Variants in RSBN1 observed in about 807,000 individuals in gnomAD.
The protein encoded by RSBN1 is lysine-specific demethylase 9.
In RSBN1, 23 loss-of-function variants were observed where a neutral mutation model predicts 74.8. That is an observed-to-expected ratio of 0.31 (90% CI 0.22 to 0.44). The LOEUF (loss-of-function observed/expected upper bound fraction) is 0.44. RSBN1 is among the 20% of genes least tolerant of loss of function. The pLI is 1.00. For synonymous variants in RSBN1, 407 were observed against 379.6 expected (o/e 1.07, Z -0.84); for missense variants, 808 against 1,020.9 (o/e 0.79, Z 2.84).
chr1:113,778,297 T>G (rs947759818), intron 2 of RSBN1, among the ~76,000 whole-genome samples: 3 of 143,720 alleles, frequency 2.1e-5, no homozygotes, highest in African/African-American at 5.0e-5. Flanking sequence ...TCTTTTTTTT[T>G]TTTTTTTCCT....
chr1:113,781,999 G>A (rs1660147603), intron 2 of RSBN1, among the ~76,000 whole-genome samples: 1 of 152,100 alleles, frequency 6.6e-6, no homozygotes, highest in Non-Finnish European at 1.5e-5. Context: ...TCCTTTAGTA[G>A]CTCCATATTA....
At chr1:113,796,015 C>T (rs1660464747) in intron 2 of RSBN1, among the ~76,000 whole-genome samples, 1 of 151,980 alleles carries the variant, frequency 6.6e-6, no homozygotes, top group South Asian at 2.1e-4. Context: ...CAATATCTTT[C>T]CTTGTTAAAT....
rs1659750818 is a variant in RSBN1, at chr1:113,764,909, C to A, written c.*1071G>T. On this transcript the variant is annotated 3_prime_UTR_variant, in exon 7 of 7. Coordinates refer to ENST00000261441, the MANE Select transcript of RSBN1 (RefSeq NM_018364.5). ...TACTCAGGCACTAAGCATTAGCCTA[C>A]CTGAAACTCTAGGATGAAGTCTAGT... 2.0e-5 allele frequency: 3 copies of A among 152,244 alleles called. No individual in the cohort carries two copies. The highest frequency in any genetic ancestry group is 2.9e-5 in the Non-Finnish European group (2 of 67,998). The allele number at this position is 152,244 out of a possible 1,614,324, so 9.4% of individuals were successfully genotyped here. A position where few individuals can be genotyped will look rare whatever the true frequency, so the allele number is the denominator to read the frequency against.
rs201171572 is a variant in RSBN1 at position 113,812,389 on chromosome 1, C to A, written c.24G>T (p.Thr8=). The change falls in exon 1 of 7, where the codon ACG becomes ACT. Residue 8 remains threonine, a synonymous_variant. Coordinates refer to ENST00000261441, the MANE Select transcript of RSBN1 (RefSeq NM_018364.5). ...TCTCCTCCGCCCTCCACTTGTCGGC[C>A]GTTCTTCGTCCAGAGATGAACATGC... MFISGRR[T]ADKWRAEERL... is the part of the protein sequence containing the mutation. 4 of 1,600,702 alleles carry A rather than the reference C, an allele frequency of 2.5e-6. No homozygotes were observed. The highest frequency in any genetic ancestry group is 2.2e-5 in the East Asian group (1 of 44,830).
intron 2 of RSBN1, among the ~76,000 whole-genome samples, chr1:113,785,204 G>A (rs1406643781): frequency 6.6e-6 from 1 of 151,924 alleles, no homozygotes; most frequent in Non-Finnish European, 1.5e-5. Flanking sequence ...CCTACAACAG[G>A]GTTGGAATGA....
In RSBN1 at chr1:113,787,678, C is replaced by T. The variant is rs144304432; in HGVS notation, c.1377+9685G>A. On this transcript the variant is annotated intron_variant, in intron 2 of 6. Coordinates refer to ENST00000261441, the MANE Select transcript of RSBN1 (RefSeq NM_018364.5). The stretch of plus-strand genomic sequence containing the variant: ...AATCCCAGTTATTTAACAATGCAAT[C>T]GCCTACCTCCTTCCAAGAATTCTAG... Among the ~76,000 whole-genome samples the T allele has an allele frequency of 5.1e-3, 772 of 152,264 alleles. 11 individuals are homozygous for T. Among genetic ancestry groups the T allele is most frequent in the African/African-American group, 0.018 (742 of 41,572 alleles).
At chr1:113,786,306 T>C (rs1199971406) in intron 2 of RSBN1, among the ~76,000 whole-genome samples, 2 of 152,170 alleles carry the variant, frequency 1.3e-5, no homozygotes, top group Non-Finnish European at 2.9e-5. Flanking sequence ...AAGTATGTGA[T>C]AGGTTGAAAA....
At chr1:113,794,092 A>G (rs528081438) in intron 2 of RSBN1, among the ~76,000 whole-genome samples, 4 of 152,304 alleles carry the variant, frequency 2.6e-5, no homozygotes, top group Non-Finnish European at 4.4e-5. Context: ...GGCTTTGACC[A>G]GCATCGCCAT....
At chr1:113,778,414 C>T (rs1254948685) in intron 2 of RSBN1, among the ~76,000 whole-genome samples, 1 of 151,990 alleles carries the variant, frequency 6.6e-6, no homozygotes. Context: ...TCTCCTCCCT[C>T]AGCCTCCCAA....
rs1455733053 is a variant in RSBN1 at position 113,766,050 on chromosome 1, A to G, written c.2339T>C (p.Leu780Ser). Residue 780 changes from leucine to serine, a missense_variant, in exon 7 of 7, where the codon TTA becomes TCA. Coordinates refer to ENST00000261441, the MANE Select transcript of RSBN1 (RefSeq NM_018364.5). Reference sequence around the variant, plus strand: ...AGAGTCCAGTCTACTTTCCACTTTTAAAACTGGAATAGGCTGAGTCTTCTG... The same window carrying G: ...AGAGTCCAGTCTACTTTCCACTTTTGAAACTGGAATAGGCTGAGTCTTCTG... ...QDQKTQPIPV[L>S]KVESRLDSDQ... The G allele has an allele frequency of 6.2e-7, 1 of 1,614,114 alleles. No homozygotes were observed. The highest frequency in any genetic ancestry group is 8.5e-7 in the Non-Finnish European group (1 of 1,179,956).
At chr1:113,804,757 A>G (rs1043079421) in intron 1 of RSBN1, among the ~76,000 whole-genome samples, 1 of 152,204 alleles carries the variant, frequency 6.6e-6, no homozygotes, top group African/African-American at 2.4e-5. Context: ...CAATTCCCTT[A>G]TAATCCCAAT....
chr1:113,765,751 A>C lies in RSBN1; in HGVS notation c.*229T>G. 2.4e-6 allele frequency: 1 copy of C among 417,698 alleles called. No individual in the cohort carries two copies. Among genetic ancestry groups the C allele is most frequent in the East Asian group, 3.4e-5 (1 of 29,280 alleles). The allele number at this position is 417,698 out of a possible 1,614,324, so 25.9% of individuals were successfully genotyped here. On this transcript the variant is annotated 3_prime_UTR_variant, in exon 7 of 7. Coordinates refer to ENST00000261441, the MANE Select transcript of RSBN1 (RefSeq NM_018364.5). ...TTGTTACCTCACACCTTAAAACAGA[A>C]AGTAGCAGCAGACCCACTATTACAT...
intron 1 of RSBN1, among the ~76,000 whole-genome samples, chr1:113,803,921 A>G (rs1309837055): frequency 6.8e-6 from 1 of 147,602 alleles, no homozygotes; most frequent in Non-Finnish European, 1.5e-5. Context: ...TGAGCAACAC[A>G]GCAGGACCCC....
intron 1 of RSBN1, among the ~76,000 whole-genome samples, chr1:113,810,384 AACACACACAC>A (rs113663525): frequency 6.1e-5 from 9 of 146,728 alleles, no homozygotes; most frequent in Admixed American, 4.8e-4. Context: ...GTACAGTTAA[AACACACACAC>A]ACACACACAC....
chr1:113,808,232 T>A (rs1454187619), intron 1 of RSBN1, among the ~76,000 whole-genome samples: 1 of 152,214 alleles, frequency 6.6e-6, no homozygotes, highest in Non-Finnish European at 1.5e-5. Flanking sequence ...TAAAATGGCA[T>A]AATAATTGCT....
chr1:113,772,432 T>C (rs1466558687), intron 4 of RSBN1, among the ~76,000 whole-genome samples: 1 of 152,100 alleles, frequency 6.6e-6, no homozygotes, highest in Admixed American at 6.5e-5. Context: ...TTTAAAAAAG[T>C]ATTATAAACA....
intron 2 of RSBN1, among the ~76,000 whole-genome samples, chr1:113,788,070 G>T (rs1158980109): frequency 1.3e-5 from 2 of 152,018 alleles, no homozygotes; most frequent in Admixed American, 6.6e-5. Flanking sequence ...TGAAACAATA[G>T]GAAGTTATTA....
At position 113,762,340 on chromosome 1, in the gene RSBN1, T is replaced by A. The variant is rs988002351; in HGVS notation, c.*3640A>T. ...TGAAGAAAATGGAAGGCCATAATAT[T>A]TATGGAGAGATACTTGCTTTTAAAG... On this transcript the variant is annotated 3_prime_UTR_variant, in exon 7 of 7. Transcript: ENST00000261441. 4 of 152,628 alleles carry A rather than the reference T, an allele frequency of 2.6e-5. No individual in the cohort carries two copies. Among genetic ancestry groups the A allele is most frequent in the African/African-American group, 9.7e-5 (4 of 41,430 alleles). 9.5% of individuals were successfully genotyped at this position (152,628 alleles called of 1,614,324 possible).
chr1:113,807,586 C>G (rs1415172750), intron 1 of RSBN1, among the ~76,000 whole-genome samples: 1 of 151,684 alleles, frequency 6.6e-6, no homozygotes, highest in South Asian at 2.1e-4. Flanking sequence ...ACAGTGAAAC[C>G]CCGTCTCTAC....
Sources: gnomAD v4.1 joint callset for allele counts (sites outside exome capture counted in the v4.1 genomes callset) on GRCh38, gnomAD v4.1.1 for gene constraint, MANE v1.5 for transcripts, NCBI Gene and HGNC (gene_info 2026-07-23, HGNC 2026-07-21) for gene names.